Variants in RASAL2 observed in about 807,000 individuals in gnomAD.
The protein encoded by RASAL2 is RAS protein activator like 2.
RASAL2 carries 58 observed loss-of-function variants against 128.9 expected under a neutral mutation model. The ratio of observed to expected loss-of-function variants is 0.45; its 90% CI spans 0.36 to 0.56. RASAL2 has a LOEUF of 0.56. Among genes scored for constraint, RASAL2 ranks in the 20% least tolerant of loss-of-function variants. RASAL2 has a pLI of 0.00. For synonymous variants in RASAL2, 561 were observed against 580.8 expected (o/e 0.97, Z 0.49); for missense variants, 1,360 against 1,601.6 (o/e 0.85, Z 2.57).
chr1:178,455,986 C>T (rs569597381), intron 12 of RASAL2, among the ~76,000 whole-genome samples: 22 of 152,334 alleles, frequency 1.4e-4, no homozygotes, highest in East Asian at 9.6e-4. Flanking sequence ...GTCTTTTTAA[C>T]GGGCTTTGCT....
intron 1 of RASAL2, among the ~76,000 whole-genome samples, chr1:178,279,770 G>A (rs1259382146): frequency 6.6e-6 from 1 of 152,032 alleles, no homozygotes; most frequent in African/African-American, 2.4e-5. Context: ...AAGACTAAAA[G>A]CAAAAATTAG....
intron 3 of RASAL2, among the ~76,000 whole-genome samples, chr1:178,358,638 A>C (rs1478958430): frequency 6.6e-6 from 1 of 152,164 alleles, no homozygotes; most frequent in Non-Finnish European, 1.5e-5. Context: ...AAACACTAAA[A>C]ATTCTGACAA....
At chr1:178,119,000 TG>T (rs1659617936) in intron 1 of RASAL2, among the ~76,000 whole-genome samples, 1 of 152,142 alleles carries the variant, frequency 6.6e-6, no homozygotes, top group African/African-American at 2.4e-5. Context: ...CCCAAGTAGC[TG>T]GGATTACAGG....
chr1:178,325,567 T>C (rs756875114), intron 3 of RASAL2, among the ~76,000 whole-genome samples: 22 of 152,068 alleles, frequency 1.4e-4, no homozygotes, highest in Non-Finnish European at 2.6e-4. Flanking sequence ...GAGAAAAAAA[T>C]ACATTTAAAA....
chr1:178,333,218 TG>T (rs1431108678), intron 3 of RASAL2, among the ~76,000 whole-genome samples: 1 of 151,650 alleles, frequency 6.6e-6, no homozygotes, highest in East Asian at 2.0e-4. Context: ...TTAGTAGAGA[TG>T]GGGTTTCACG....
intron 1 of RASAL2, among the ~76,000 whole-genome samples, chr1:178,138,665 T>C (rs931240393): frequency 1.3e-5 from 2 of 152,136 alleles, no homozygotes; most frequent in Admixed American, 6.5e-5. Context: ...AGGATACATG[T>C]TTGTGATTGC....
intron 3 of RASAL2, among the ~76,000 whole-genome samples, chr1:178,340,156 G>GAC (rs1225120872): frequency 6.6e-6 from 1 of 151,986 alleles, no homozygotes; most frequent in Non-Finnish European, 1.5e-5. Flanking sequence ...TAATGTGTAA[G>GAC]ATATATAATA....
intron 1 of RASAL2, among the ~76,000 whole-genome samples, chr1:178,262,508 A>T (rs943770389): frequency 5.9e-5 from 9 of 152,200 alleles, no homozygotes; most frequent in South Asian, 2.1e-4. Context: ...TTTAAATCTT[A>T]CGAGTTTGGA....
intron 2 of RASAL2, among the ~76,000 whole-genome samples, chr1:178,299,018 A>G (rs1023984608): frequency 6.6e-6 from 1 of 151,452 alleles, no homozygotes; most frequent in East Asian, 1.9e-4. Flanking sequence ...AGTATTAGAG[A>G]TTTTTTTTTA....
intron 3 of RASAL2, among the ~76,000 whole-genome samples, chr1:178,350,247 C>T (rs1182932348): frequency 6.6e-6 from 1 of 152,170 alleles, no homozygotes; most frequent in Non-Finnish European, 1.5e-5. Flanking sequence ...GAGACAGGGT[C>T]TCACTTTGTC....
At chr1:178,349,956 T>C (rs1670371828) in intron 3 of RASAL2, among the ~76,000 whole-genome samples, 4 of 152,192 alleles carry the variant, frequency 2.6e-5, no homozygotes, top group Admixed American at 2.0e-4. Flanking sequence ...CATGACATAC[T>C]CTTGAACATG....
At chr1:178,338,123 ATTATTTAT>A (rs879555027) in intron 3 of RASAL2, among the ~76,000 whole-genome samples, 20 of 150,890 alleles carry the variant, frequency 1.3e-4, no homozygotes, top group African/African-American at 4.9e-4. Context: ...ATTTTTTTTT[ATTATTTAT>A]TTATTTATTT....
chr1:178,237,997 A>G (rs1249265110), intron 1 of RASAL2, among the ~76,000 whole-genome samples: 1 of 152,178 alleles, frequency 6.6e-6, no homozygotes, highest in East Asian at 1.9e-4. Flanking sequence ...GTTTATTTTT[A>G]GTATTTTTAC....
intron 1 of RASAL2, among the ~76,000 whole-genome samples, chr1:178,263,923 A>G (rs1665820114): frequency 6.6e-6 from 1 of 152,220 alleles, no homozygotes; most frequent in Non-Finnish European, 1.5e-5. Context: ...ACAACTCCAT[A>G]GGAATTCTAG....
intron 3 of RASAL2, among the ~76,000 whole-genome samples, chr1:178,301,377 T>A (rs1459016260): frequency 1.3e-5 from 2 of 152,094 alleles, no homozygotes; most frequent in East Asian, 3.8e-4. Flanking sequence ...TGGCTTAGAG[T>A]CACCTTCTTT....
At chr1:178,167,278 CAG>C (rs1661550216) in intron 1 of RASAL2, among the ~76,000 whole-genome samples, 1 of 152,046 alleles carries the variant, frequency 6.6e-6, no homozygotes, top group Non-Finnish European at 1.5e-5. Context: ...GTAACAGAAT[CAG>C]AGAATTATGA....
chr1:178,182,811 C>T (rs1468428064), intron 1 of RASAL2, among the ~76,000 whole-genome samples: 1 of 147,950 alleles, frequency 6.8e-6, no homozygotes, highest in Non-Finnish European at 1.5e-5. Flanking sequence ...CAGTCCCCAA[C>T]CTTTTTGTTT....
rs1354578397 is a variant in RASAL2 at position 178,124,271 on chromosome 1, G to T, written c.202+29577G>T. ...GTAGTTCTCAGCCTAGGGGAATTTT[G>T]CCCTCCAGGGGACATTTGACAAAGT... On this transcript the variant is annotated intron_variant, in intron 1 of 17. Transcript: ENST00000367649. 2.0e-5 allele frequency among the ~76,000 whole-genome samples: 3 copies of T among 152,126 alleles called. No homozygotes were observed. The East Asian group carries it at 5.8e-4, about 29-fold the overall frequency.
chr1:178,250,503 G>T (rs571383363), intron 1 of RASAL2, among the ~76,000 whole-genome samples: 1 of 152,344 alleles, frequency 6.6e-6, no homozygotes, highest in African/African-American at 2.4e-5. Context: ...TTCTTAGCTT[G>T]CTGAGCTGTT....
Sources: allele counts gnomAD v4.1 joint callset (sites outside exome capture counted in the v4.1 genomes callset), GRCh38; gene constraint gnomAD v4.1.1; transcripts MANE v1.5; gene names NCBI Gene and HGNC (gene_info 2026-07-23, HGNC 2026-07-21).